SLC1A7: variants seen among roughly 807,000 people sequenced by gnomAD.
SLC1A7 encodes the protein solute carrier family 1 member 7.
A neutral mutation model predicts 47.7 loss-of-function variants in SLC1A7; 40 were observed. The observed-to-expected ratio is 0.84, with a 90% CI of 0.65 to 1.09. SLC1A7 has a LOEUF of 1.09. Ranked by LOEUF, SLC1A7 falls within the 50% of genes least tolerant of loss-of-function variation. The pLI is 0.00. For missense variants in SLC1A7, 746 were observed against 769.5 expected, an observed-to-expected ratio of 0.97 and a Z score of 0.36; for synonymous variants, 323 against 325.6, an observed-to-expected ratio of 0.99 and a Z score of 0.09.
intron 2 of SLC1A7, among the ~76,000 whole-genome samples, chr1:53,120,169 C>A (rs1464837589): frequency 6.6e-6 from 1 of 152,194 alleles, no homozygotes; most frequent in Non-Finnish European, 1.5e-5. Context: ...CAAAGACTGC[C>A]AGGCTCCCGG....
chr1:53,137,284 C>A (rs1159223372), intron 1 of SLC1A7, among the ~76,000 whole-genome samples: 1 of 15,184 alleles, frequency 6.6e-5, no homozygotes, highest in African/African-American at 2.4e-4. Flanking sequence ...GAGACGCTAT[C>A]TCCAAAAAAA....
chr1:53,139,995 A>T (rs1271643309), intron 1 of SLC1A7, among the ~76,000 whole-genome samples: 1 of 152,228 alleles, frequency 6.6e-6, no homozygotes, highest in African/African-American at 2.4e-5. Context: ...CTTTTTCACA[A>T]ATAGAACATT....
Position 53,137,287 on chromosome 1 carries a change from C to CAAAAAAAAAAAAAAAAAAAAAAAAAAA in SLC1A7, c.136-2859_136-2858insTTTTTTTTTTTTTTTTTTTTTTTTTTT, listed in dbSNP as rs60113708. Among the ~76,000 whole-genome samples the CAAAAAAAAAAAAAAAAAAAAAAAAAAA allele has an allele frequency of 1.3e-3, 132 of 100,692 alleles. 1 individual carries two copies. The highest frequency in any genetic ancestry group is 4.8e-3 in the African/African-American group (124 of 25,686). The allele number at this position is 100,692 out of a possible 152,430, so 66.1% of individuals were successfully genotyped here. A position where few individuals can be genotyped will look rare whatever the true frequency, so the allele number is the denominator to read the frequency against. ...GGGCAACAGAGGGAGACGCTATCTC[C>CAAAAAAAAAAAAAAAAAAAAAAAAAAA]AAAAAAAAAAAAGTGCTCTACTGAT... On this transcript the variant is annotated intron_variant, in intron 1 of 10. Coordinates refer to ENST00000371494, the MANE Select transcript of SLC1A7 (RefSeq NM_006671.6).
At chr1:53,099,684 C>T (rs1469403545) in intron 5 of SLC1A7, among the ~76,000 whole-genome samples, 1 of 150,556 alleles carries the variant, frequency 6.6e-6, no homozygotes, top group Non-Finnish European at 1.5e-5. Flanking sequence ...AGTACACTCA[C>T]ACTGCCTCGG....
intron 5 of SLC1A7, among the ~76,000 whole-genome samples, chr1:53,095,685 C>T (rs1442004270): frequency 6.7e-6 from 1 of 148,176 alleles, no homozygotes; most frequent in Non-Finnish European, 1.5e-5. Context: ...CACCCCAGCT[C>T]AATACACTCA....
rs981628343 is a variant in SLC1A7, at chr1:53,142,313, A to T, written c.135+2T>A. 1 of 1,555,472 alleles carries T rather than the reference A, an allele frequency of 6.4e-7. No individual in the cohort carries two copies. The highest frequency in any genetic ancestry group is 1.4e-5 in the African/African-American group (1 of 73,288). ...GGTCCCGAGATGCTCTGGGTGGCTGACCTGTGGTGAGAGGCGCCGGGTCCT... is the reference window on the plus strand; with the variant it reads ...GGTCCCGAGATGCTCTGGGTGGCTGTCCTGTGGTGAGAGGCGCCGGGTCCT... On this transcript the variant is annotated splice_donor_variant, in intron 1 of 10. Transcript: ENST00000371494. LOFTEE classifies it high-confidence loss of function.
intron 3 of SLC1A7, among the ~76,000 whole-genome samples, chr1:53,107,061 C>G (rs1644650649): frequency 6.9e-6 from 1 of 145,978 alleles, no homozygotes; most frequent in South Asian, 2.3e-4. Flanking sequence ...GAGGCTGAGG[C>G]TGCAGAATTG....
intron 5 of SLC1A7, among the ~76,000 whole-genome samples, chr1:53,099,185 ATAAC>A (rs1644538534): frequency 6.7e-6 from 1 of 149,116 alleles, no homozygotes; most frequent in East Asian, 2.0e-4. Flanking sequence ...GTACACTCAC[ATAAC>A]CTGCCTTGGT....
At chr1:53,114,015 C>T (rs1209526532) in intron 3 of SLC1A7, among the ~76,000 whole-genome samples, 1 of 152,192 alleles carries the variant, frequency 6.6e-6, no homozygotes, top group Non-Finnish European at 1.5e-5. Context: ...CAGCCCCAGG[C>T]CCCCATGTTG....
At position 53,113,900 on chromosome 1, in the gene SLC1A7, G is replaced by A. The variant is rs374256781; in HGVS notation, c.431+858C>T. ...CGGTTCCCTGCAGCTCAGGACCTTC[G>A]CACAGCTATCGCCCCCAGGCCTGCC... On this transcript the variant is annotated intron_variant, in intron 3 of 10. Coordinates refer to ENST00000371494, the MANE Select transcript of SLC1A7 (RefSeq NM_006671.6). Among the ~76,000 whole-genome samples the A allele has an allele frequency of 6.6e-5, 10 of 152,062 alleles. No homozygotes were observed. In the East Asian group the frequency reaches 1.4e-3, roughly 21 times the overall value.
rs1250316493 is a variant in SLC1A7 at position 53,088,890 on chromosome 1, T to G, written c.1451A>C (p.Asp484Ala). The change falls in exon 10 of 11, where the codon GAC becomes GCC. Residue 484 changes from aspartate (D) to alanine (A), a missense_variant. Physicochemically the swap from Asp to Ala is moderately radical, Grantham distance 126. Coordinates refer to ENST00000371494, the MANE Select transcript of SLC1A7 (RefSeq NM_006671.6). Reference protein sequence around the residue: ...AHICRKDFARDTGTEKLLPCE... With the variant: ...AHICRKDFARATGTEKLLPCE... ...CACTGCTCTCACCTCGGTGCCTGTG[T>G]CCCGGGCAAAATCCTTCCGACATAT... 6.2e-7 allele frequency: 1 copy of G among 1,613,684 alleles called. No individual in the cohort carries two copies. The highest frequency in any genetic ancestry group is 2.2e-5 in the East Asian group (1 of 44,870).
intron 2 of SLC1A7, chr1:53,115,428 G>A: frequency 5.4e-6 from 1 of 183,862 alleles, no homozygotes; most frequent in Non-Finnish European, 1.2e-5. Flanking sequence ...CCAGAGTGAG[G>A]AGCCCATTCT....
At chr1:53,110,455 G>T (rs190934104) in intron 3 of SLC1A7, among the ~76,000 whole-genome samples, 2 of 152,120 alleles carry the variant, frequency 1.3e-5, no homozygotes, top group African/African-American at 2.4e-5. Context: ...GGGCTGGGGC[G>T]TGGGGGGTGC....
intron 5 of SLC1A7, among the ~76,000 whole-genome samples, chr1:53,094,171 C>T (rs1003337930): frequency 6.6e-6 from 1 of 152,228 alleles, no homozygotes; most frequent in Non-Finnish European, 1.5e-5. Flanking sequence ...GTCTCCTCTG[C>T]GAGGTTAGCT....
chr1:53,101,851 CA>C, intron 5 of SLC1A7, among the ~76,000 whole-genome samples: 1 of 131,172 alleles, frequency 7.6e-6, no homozygotes, highest in African/African-American at 3.2e-5. Flanking sequence ...AGTACACTCA[CA>C]CGCCCGCCTC....
intron 2 of SLC1A7, among the ~76,000 whole-genome samples, chr1:53,120,516 T>C (rs886232073): frequency 6.6e-6 from 1 of 152,092 alleles, no homozygotes; most frequent in African/African-American, 2.4e-5. Flanking sequence ...CCTCGTCCAC[T>C]CTGCTCCTGG....
Position 53,134,405 on chromosome 1 carries a change from C to T in SLC1A7, c.160G>A (p.Gly54Arg), listed in dbSNP as rs777022107. The part of the protein sequence containing the change: ...PQEISYFQFP[G>R]ELLMRMLKMM... ...TTCAGCATCCTCATCAGGAGCTCTCCAGGGAACTGGAAGTAACTAATTTCC... is the reference window on the plus strand; with the variant it reads ...TTCAGCATCCTCATCAGGAGCTCTCTAGGGAACTGGAAGTAACTAATTTCC... Residue 54 changes from glycine (G) to arginine (R), a missense_variant, in exon 2 of 11, where the codon GGA (glycine) becomes AGA (arginine). Transcript: ENST00000371494. The T allele has an allele frequency of 3.7e-6, 6 of 1,613,066 alleles. No individual in the cohort carries two copies. Among genetic ancestry groups the T allele is most frequent in the East Asian group, 2.2e-5 (1 of 44,886 alleles).
At position 53,093,629 on chromosome 1, in the gene SLC1A7, T is replaced by C. The variant is rs1572296257; in HGVS notation, c.698-69A>G. ...CCACAGGCCCACATGGGTCTCAGCATGGCTGGCTTCCCAGCAGCCTTGATG... is the reference window on the plus strand; with the variant it reads ...CCACAGGCCCACATGGGTCTCAGCACGGCTGGCTTCCCAGCAGCCTTGATG... On this transcript the variant is annotated intron_variant, in intron 5 of 10. Coordinates refer to ENST00000371494, the MANE Select transcript of SLC1A7 (RefSeq NM_006671.6). 7 of 1,259,428 alleles carry C rather than the reference T, an allele frequency of 5.6e-6. No homozygotes were observed. The East Asian group carries it at 1.5e-4, about 27-fold the overall frequency. 78.0% of individuals were successfully genotyped at this position (1,259,428 alleles called of 1,614,324 possible).
chr1:53,136,039 T>G (rs191990574), intron 1 of SLC1A7, among the ~76,000 whole-genome samples: 25 of 151,490 alleles, frequency 1.7e-4, no homozygotes, highest in African/African-American at 5.8e-4. Flanking sequence ...AAAAGGGAGG[T>G]GACAGACCCA....
Sources: gnomAD v4.1 joint callset for allele counts (sites outside exome capture counted in the v4.1 genomes callset) on GRCh38, gnomAD v4.1.1 for gene constraint, MANE v1.5 for transcripts, NCBI Gene and HGNC (gene_info 2026-07-23, HGNC 2026-07-21) for gene names.